SMYD3: variants seen among roughly 807,000 people sequenced by gnomAD.
The protein encoded by SMYD3 is histone-lysine N-methyltransferase SMYD3.
A neutral mutation model predicts 57.7 loss-of-function variants in SMYD3; 36 were observed. The ratio of observed to expected loss-of-function variants is 0.62; its 90% CI spans 0.48 to 0.82. The LOEUF is 0.82. Among genes scored for constraint, SMYD3 ranks in the 40% least tolerant of loss-of-function variants. The probability of loss-of-function intolerance (pLI) is 0.00; values close to 1 mark genes in which losing one functional copy is unlikely to be tolerated. For synonymous variants in SMYD3, 211 were observed against 195.0 expected, an observed-to-expected ratio of 1.08 and a Z score of -0.68; for missense variants, 515 against 538.8, an observed-to-expected ratio of 0.96 and a Z score of 0.44.
At chr1:245,862,324 T>C (rs2051594131) in intron 9 of SMYD3, among the ~76,000 whole-genome samples, 1 of 151,938 alleles carries the variant, frequency 6.6e-6, no homozygotes. Context: ...TATATTATAC[T>C]CTTAAATGTT....
rs142167849 is a variant in SMYD3, at chr1:246,160,180, C to T, written c.531+167021G>A. Among the ~76,000 whole-genome samples the T allele has an allele frequency of 3.2e-3, 490 of 152,258 alleles. 1 individual carries two copies. The highest frequency in any genetic ancestry group is 0.011 in the African/African-American group (459 of 41,548). ...TATGAGCTGACAGAATCCATTCTTC[C>T]AAATCCATTCCGGTTATTACCTACT... On this transcript the variant is annotated intron_variant, in intron 5 of 11. Transcript: ENST00000490107.
chr1:246,231,920 T>C (rs1044394605), intron 5 of SMYD3, among the ~76,000 whole-genome samples: 1 of 152,198 alleles, frequency 6.6e-6, no homozygotes, highest in African/African-American at 2.4e-5. Flanking sequence ...AGTTGAGTTT[T>C]TCCTTGGGAG....
intron 5 of SMYD3, among the ~76,000 whole-genome samples, chr1:246,045,055 C>T (rs7532447): frequency 0.46 from 70,505 of 151,948 alleles, 17,805 homozygotes; most frequent in East Asian, 0.8. Flanking sequence ...GGACATACTG[C>T]CCAAGGTAAT....
intron 5 of SMYD3, among the ~76,000 whole-genome samples, chr1:246,086,430 A>T (rs1257337077): frequency 1.1e-4 from 16 of 151,730 alleles, no homozygotes; most frequent in Non-Finnish European, 1.5e-5. Flanking sequence ...ACTGCCTGGG[A>T]CTGTGCTTGC....
At chr1:246,087,696 G>C (rs973383427) in intron 5 of SMYD3, among the ~76,000 whole-genome samples, 2 of 152,138 alleles carry the variant, frequency 1.3e-5, no homozygotes, top group African/African-American at 4.8e-5. Flanking sequence ...TCTGTGTCTT[G>C]ATTTTAACTT....
intron 5 of SMYD3, among the ~76,000 whole-genome samples, chr1:246,049,463 A>ATT (rs35899131): frequency 2.1e-5 from 3 of 142,864 alleles, no homozygotes; most frequent in African/African-American, 7.7e-5. Flanking sequence ...CGCCTGGCTA[A>ATT]TTTTTTTTTT....
At chr1:246,455,523 C>T (rs557703369) in intron 1 of SMYD3, among the ~76,000 whole-genome samples, 5 of 152,104 alleles carry the variant, frequency 3.3e-5, no homozygotes, top group African/African-American at 4.8e-5. Context: ...GAAATGAGTT[C>T]TATTAAAAGC....
chr1:245,821,202 T>C (rs974727977), intron 10 of SMYD3, among the ~76,000 whole-genome samples: 8 of 149,986 alleles, frequency 5.3e-5, no homozygotes, highest in Admixed American at 5.3e-4. Flanking sequence ...AACAGAGATA[T>C]AGATCAATGG....
At chr1:246,187,698 T>C (rs2062664227) in intron 5 of SMYD3, among the ~76,000 whole-genome samples, 1 of 152,252 alleles carries the variant, frequency 6.6e-6, no homozygotes, top group Non-Finnish European at 1.5e-5. Context: ...AAATTTTTAT[T>C]CATCTTTTTT....
At chr1:246,412,990 G>C (rs1423123099) in intron 1 of SMYD3, among the ~76,000 whole-genome samples, 2 of 152,122 alleles carry the variant, frequency 1.3e-5, no homozygotes, top group African/African-American at 2.4e-5. Context: ...ATAGGTTGAA[G>C]AAATCAAGGC....
At chr1:246,240,220 T>G (rs2063584183) in intron 5 of SMYD3, among the ~76,000 whole-genome samples, 2 of 152,242 alleles carry the variant, frequency 1.3e-5, no homozygotes, top group Non-Finnish European at 2.9e-5. Context: ...TTTTGTGGTT[T>G]TAGGTCTAAC....
At chr1:246,046,175 C>T (rs12065447) in intron 5 of SMYD3, among the ~76,000 whole-genome samples, 70,557 of 151,920 alleles carry the variant, frequency 0.46, 17,844 homozygotes, top group East Asian at 0.8. Context: ...CACATGCATA[C>T]GTATGTTTAT....
intron 10 of SMYD3, among the ~76,000 whole-genome samples, chr1:245,781,560 C>T (rs566840722): frequency 4.6e-5 from 7 of 152,180 alleles, no homozygotes; most frequent in Non-Finnish European, 1.0e-4. Context: ...AACCCCATTT[C>T]CATCCTCTCT....
intron 10 of SMYD3, among the ~76,000 whole-genome samples, chr1:245,825,548 G>A (rs1421025260): frequency 6.6e-6 from 1 of 152,136 alleles, no homozygotes; most frequent in Admixed American, 6.5e-5. Context: ...CTCACTAGGC[G>A]GGCCGAGGCC....
At chr1:246,362,874 C>A (rs1292379900) in intron 1 of SMYD3, among the ~76,000 whole-genome samples, 21 of 151,944 alleles carry the variant, frequency 1.4e-4, no homozygotes, top group African/African-American at 5.1e-4. Flanking sequence ...AGCCTCTGCC[C>A]GGCCGCCACC....
chr1:245,968,814 A>C (rs1306261119), intron 5 of SMYD3, among the ~76,000 whole-genome samples: 1 of 152,142 alleles, frequency 6.6e-6, no homozygotes, highest in African/African-American at 2.4e-5. Context: ...CCCGCGTTGT[A>C]AATTTCAGCC....
At chr1:246,116,882 A>G (rs2061350050) in intron 5 of SMYD3, among the ~76,000 whole-genome samples, 1 of 152,224 alleles carries the variant, frequency 6.6e-6, no homozygotes, top group Admixed American at 6.5e-5. Context: ...AAAATAAAAC[A>G]AAAAAATTAG....
intron 5 of SMYD3, among the ~76,000 whole-genome samples, chr1:246,300,953 C>T (rs2064883618): frequency 6.6e-6 from 1 of 152,068 alleles, no homozygotes; most frequent in Admixed American, 6.6e-5. Flanking sequence ...ATAGAAAACA[C>T]CCAGCCTGTC....
chr1:245,974,215 T>C (rs1029543000), intron 5 of SMYD3, among the ~76,000 whole-genome samples: 11 of 152,168 alleles, frequency 7.2e-5, no homozygotes, highest in African/African-American at 2.7e-4. Context: ...TCTCTTTAAA[T>C]GACATTTTTC....
Sources: allele counts gnomAD v4.1 joint callset (sites outside exome capture counted in the v4.1 genomes callset), GRCh38; gene constraint gnomAD v4.1.1; transcripts MANE v1.5; gene names NCBI Gene and HGNC (gene_info 2026-07-23, HGNC 2026-07-21).